The following FUNDC1 variants were observed in gnomAD, a reference collection of about 807,000 sequenced individuals.
The protein encoded by FUNDC1 is FUN14 domain containing 1.
A neutral mutation model predicts 14.5 loss-of-function variants in FUNDC1; 10 were observed. The observed-to-expected ratio is 0.69, with a 90% confidence interval of 0.43 to 1.17. The LOEUF (loss-of-function observed/expected upper bound fraction) is 1.17. Among genes scored for constraint, FUNDC1 ranks in the 50% most tolerant of loss-of-function variants. The pLI is 0.00. For missense variants in FUNDC1, 115 were observed against 113.8 expected, an observed-to-expected ratio of 1.01 and a Z score of -0.05; for synonymous variants, 33 against 39.7, an observed-to-expected ratio of 0.83 and a Z score of 0.64.
intron 2 of FUNDC1, 137 bp downstream of exon 2, chrX:44,541,808 T>G (rs750544881): frequency 1.9e-6 from 1 of 530,210 alleles, no homozygotes; most frequent in African/African-American, 2.5e-5. Flanking sequence ...TTACATCAAT[T>G]TTAACTCAGA....
intron 3 of FUNDC1, among the ~76,000 whole-genome samples, chrX:44,533,627 C>CAAAAAAAAAAAAAAAAA (rs1156843539): frequency 1.6e-4 from 3 of 18,719 alleles, no homozygotes; most frequent in East Asian, 1.7e-3. Context: ...GACTCCGTCT[C>CAAAAAAAAAAAAAAAAA]AAAAAAAAAA....
intron 2 of FUNDC1, among the ~76,000 whole-genome samples, chrX:44,541,330 T>C (rs1476312320): frequency 8.9e-6 from 1 of 111,921 alleles, no homozygotes; most frequent in Non-Finnish European, 1.9e-5. Flanking sequence ...TGTTAACTGG[T>C]CAGGCTGATG....
At chrX:44,540,414 T>TTGTGTGTGTATA (rs1555923157) in intron 2 of FUNDC1, among the ~76,000 whole-genome samples, 2 of 96,670 alleles carry the variant, frequency 2.1e-5, no homozygotes, top group African/African-American at 8.1e-5. Flanking sequence ...AATGTGTGTG[T>TTGTGTGTGTATA]TGTGTGTGTG....
At chrX:44,535,796 G>A (rs2038945990) in intron 3 of FUNDC1, among the ~76,000 whole-genome samples, 1 of 107,435 alleles carries the variant, frequency 9.3e-6, no homozygotes, top group South Asian at 4.1e-4. Flanking sequence ...GACCAGCCTG[G>A]CCAACATGGT....
rs185678312 is a variant in FUNDC1, at chrX:44,530,206, G to A, written c.262-2841C>T. ...GGGAGGGAATGGGGCAGTGATGACTGCTTTTTGAACATTTGACTTCCTATA... is the reference window on the plus strand; with the variant it reads ...GGGAGGGAATGGGGCAGTGATGACTACTTTTTGAACATTTGACTTCCTATA... On this transcript the variant is annotated intron_variant, in intron 3 of 4. Transcript: ENST00000378045. Among the ~76,000 whole-genome samples, 477 of 112,199 alleles carry A rather than the reference G, an allele frequency of 4.3e-3. 3 individuals are homozygous for A. The highest frequency in any genetic ancestry group is 0.015 in the African/African-American group (454 of 30,930).
chrX:44,540,825 G>A (rs1048325781), intron 2 of FUNDC1, among the ~76,000 whole-genome samples: 2 of 111,960 alleles, frequency 1.8e-5, no homozygotes, highest in African/African-American at 6.5e-5. Context: ...CAGGGCTAGA[G>A]GAACTATCAG....
chrX:44,531,301 ATTCATGTTGGCCAG>A lies in FUNDC1; in HGVS notation c.262-3950_262-3937del, dbSNP rs1569187110. On this transcript the variant is annotated intron_variant, in intron 3 of 4. Coordinates refer to ENST00000378045, the MANE Select transcript of FUNDC1 (RefSeq NM_173794.4). ...ACACACACACGGCTTTCAGATGAAGATTCATGTTGGCCAGACACACACACACACACACACACACA... is the reference window on the plus strand; with the variant it reads ...ACACACACACGGCTTTCAGATGAAGAACACACACACACACACACACACACA... Among the ~76,000 whole-genome samples, 1,069 of 40,987 alleles carry A rather than the reference ATTCATGTTGGCCAG, an allele frequency of 0.026. 150 individuals are homozygous for A. The African/African-American group carries it at 0.31, about 12-fold the overall frequency. The allele number at this position is 40,987 out of a possible 115,157, so 35.6% of individuals were successfully genotyped here. A position where few individuals can be genotyped will look rare whatever the true frequency, so the allele number is the denominator to read the frequency against.
At chrX:44,531,579 G>T (rs928317559) in intron 3 of FUNDC1, among the ~76,000 whole-genome samples, 1 of 110,037 alleles carries the variant, frequency 9.1e-6, no homozygotes, top group African/African-American at 3.3e-5. Context: ...TGTCCATATT[G>T]TTTAGAGCTT....
chrX:44,528,561 T>C (rs953282979), intron 3 of FUNDC1, among the ~76,000 whole-genome samples: 34 of 112,903 alleles, frequency 3.0e-4, no homozygotes, highest in Non-Finnish European at 2.4e-4. Context: ...GTAATCAAAA[T>C]AGTTGATTAC....
rs1491140627 is a variant in FUNDC1, at chrX:44,532,558, T to TA, written c.262-5194_262-5193insT. 1.4e-3 allele frequency among the ~76,000 whole-genome samples: 132 copies of TA among 95,770 alleles called. 1 individual carries two copies. Among genetic ancestry groups the TA allele is most frequent in the East Asian group, 5.5e-3 (18 of 3,298 alleles). 83.2% of individuals were successfully genotyped at this position (95,770 alleles called of 115,157 possible). A position where few individuals can be genotyped will look rare whatever the true frequency, so the allele number is the denominator to read the frequency against. ...GTGTGTGTGTGTATATATATATATA[T>TA]TTTTTTTTTTTGAGACGGAGTTTCG... On this transcript the variant is annotated intron_variant, in intron 3 of 4. Coordinates refer to ENST00000378045, the MANE Select transcript of FUNDC1 (RefSeq NM_173794.4).
intron 2 of FUNDC1, among the ~76,000 whole-genome samples, chrX:44,539,970 AC>A (rs1310560789): frequency 9.0e-6 from 1 of 110,802 alleles, no homozygotes; most frequent in East Asian, 2.8e-4. Flanking sequence ...CCTGGCCTCC[AC>A]AGTTCTATAT....
In FUNDC1 at chrX:44,538,015, CTT is replaced by C. The variant is rs1182561053; in HGVS notation, c.261+450_261+451del. 2.7e-5 allele frequency among the ~76,000 whole-genome samples: 3 copies of C among 112,516 alleles called. No individual in the cohort carries two copies. The Admixed American group carries it at 2.8e-4, about 11-fold the overall frequency. The stretch of plus-strand genomic sequence containing the variant: ...TTTTGTTTGGAGACAGAGTTTTGCT[CTT>C]GTTGCCCAGGCGGGAGTGCAATGGC... On this transcript the variant is annotated intron_variant, in intron 3 of 4. Transcript: ENST00000378045.
At chrX:44,542,295 T>C in intron 1 of FUNDC1, 194 bp from the exon 2 acceptor site, 1 of 417,139 alleles carries the variant, frequency 2.4e-6, no homozygotes, top group Non-Finnish European at 4.1e-6. Context: ...CCTGCAACAA[T>C]GACCCCCATC....
chrX:44,527,254 T>C lies in FUNDC1; in HGVS notation c.373A>G (p.Asn125Asp). 2 of 1,182,661 alleles carry C rather than the reference T, an allele frequency of 1.7e-6. No homozygotes were observed. Among genetic ancestry groups the C allele is most frequent in the South Asian group, 3.9e-5 (2 of 50,929 alleles). ...CATCTTACTTCTTCAATTAAATTGT[T>C]GATTTCAGGTGCTGCTTTGTTCGCT... is the stretch of plus-strand genomic sequence containing the variant. ...KRANKAAPEI[N>D]NLIEEATEFI... The change falls in exon 4 of 5, where the codon AAC (asparagine) becomes GAC (aspartate). Residue 125 changes from asparagine (N) to aspartate (D), a missense_variant. By Grantham distance (23) the Asn-to-Asp change is conservative (BLOSUM62 1). Coordinates refer to ENST00000378045, the MANE Select transcript of FUNDC1 (RefSeq NM_173794.4).
At chrX:44,534,808 G>A (rs908236808) in intron 3 of FUNDC1, among the ~76,000 whole-genome samples, 2 of 111,780 alleles carry the variant, frequency 1.8e-5, no homozygotes, top group African/African-American at 3.3e-5. Flanking sequence ...CATTTTCTAC[G>A]AAAGCTATTG....
intron 3 of FUNDC1, among the ~76,000 whole-genome samples, chrX:44,532,998 A>G (rs1290742035): frequency 8.9e-6 from 1 of 111,873 alleles, no homozygotes; most frequent in Non-Finnish European, 1.9e-5. Flanking sequence ...TGTAGGACAG[A>G]CTATTTGGAT....
At position 44,529,153 on chromosome X, in the gene FUNDC1, T is replaced by G. The variant is rs183849579; in HGVS notation, c.262-1788A>C. Among the ~76,000 whole-genome samples, 535 of 111,004 alleles carry G rather than the reference T, an allele frequency of 4.8e-3. 4 individuals carry two copies. The highest frequency in any genetic ancestry group is 9.2e-3 in the Middle Eastern group (2 of 217). On this transcript the variant is annotated intron_variant, in intron 3 of 4. Transcript: ENST00000378045. ...AAATTAAAAAAACAAAAAACAAACC[T>G]TAACTATATTCCCTGGGTGAGACCC...
chrX:44,531,247 AACACACACACACACACAC>A (rs759868973), intron 3 of FUNDC1, among the ~76,000 whole-genome samples: 1 of 50,422 alleles, frequency 2.0e-5, no homozygotes, highest in African/African-American at 1.7e-4. Flanking sequence ...TTTCCAGAAA[AACACACACACACACACAC>A]ACACACACAC....
chrX:44,532,025 C>A (rs753588183), intron 3 of FUNDC1, among the ~76,000 whole-genome samples: 44 of 111,199 alleles, frequency 4.0e-4, no homozygotes, highest in African/African-American at 1.3e-3. Context: ...ATTTATGTAG[C>A]TACTCTGCCT....
Sources: allele counts gnomAD v4.1 joint callset (sites outside exome capture counted in the v4.1 genomes callset), GRCh38; gene constraint gnomAD v4.1.1; transcripts MANE v1.5; gene names NCBI Gene and HGNC (gene_info 2026-07-23, HGNC 2026-07-21).